Variants in CNTN5 observed in about 807,000 individuals in gnomAD.
CNTN5 encodes the protein contactin 5.
In CNTN5, 77 loss-of-function variants were observed where a neutral mutation model predicts 129.1. The observed-to-expected ratio is 0.60, with a 90% CI of 0.50 to 0.72. The LOEUF (loss-of-function observed/expected upper bound fraction) is 0.72, where lower values mean the gene tolerates loss of function less well. Ranked by LOEUF, CNTN5 falls within the 30% of genes least tolerant of loss-of-function variation. The pLI is 0.00. For missense variants in CNTN5, 1,478 were observed against 1,328.8 expected, an observed-to-expected ratio of 1.11 and a Z score of -1.75; for synonymous variants, 509 against 465.6, an observed-to-expected ratio of 1.09 and a Z score of -1.20.
chr11:100,237,859 C>A (rs1565363683), intron 16 of CNTN5, among the ~76,000 whole-genome samples: 1 of 152,078 alleles, frequency 6.6e-6, no homozygotes, highest in Non-Finnish European at 1.5e-5. Flanking sequence ...GGTCTCTACT[C>A]TGTATTATTG....
intron 13 of CNTN5, among the ~76,000 whole-genome samples, chr11:100,190,202 G>A (rs994650150): frequency 2.0e-5 from 3 of 151,988 alleles, no homozygotes; most frequent in African/African-American, 7.2e-5. Flanking sequence ...TAGGATTTTA[G>A]GATTTTAAAG....
At chr11:100,009,772 G>T (rs1217411250) in intron 9 of CNTN5, among the ~76,000 whole-genome samples, 2 of 152,146 alleles carry the variant, frequency 1.3e-5, no homozygotes, top group Non-Finnish European at 2.9e-5. Flanking sequence ...GGAGAGAAAT[G>T]ATCTGGGTCA....
chr11:99,083,094 G>T (rs1035492162), intron 1 of CNTN5, among the ~76,000 whole-genome samples: 1 of 151,782 alleles, frequency 6.6e-6, no homozygotes, highest in African/African-American at 2.4e-5. Context: ...AATTGACAAG[G>T]GTTGTTGTTC....
intron 2 of CNTN5, among the ~76,000 whole-genome samples, chr11:99,342,599 AAAAG>A (rs1270614810): frequency 6.8e-6 from 1 of 147,872 alleles, no homozygotes; most frequent in Non-Finnish European, 1.5e-5. Flanking sequence ...AAAAAAAAAA[AAAAG>A]CAGGGCGTGG....
chr11:99,559,890 C>T (rs1948784391), intron 3 of CNTN5, among the ~76,000 whole-genome samples: 1 of 152,048 alleles, frequency 6.6e-6, no homozygotes, highest in Admixed American at 6.6e-5. Context: ...CAATACCAAA[C>T]TACACAAACA....
At chr11:99,549,584 A>T (rs1255213769) in intron 2 of CNTN5, among the ~76,000 whole-genome samples, 1 of 152,130 alleles carries the variant, frequency 6.6e-6, no homozygotes. Context: ...TGAGGCATTC[A>T]AGAATATTTT....
intron 1 of CNTN5, among the ~76,000 whole-genome samples, chr11:99,116,202 TTG>T (rs1858036946): frequency 6.6e-6 from 1 of 152,188 alleles, no homozygotes; most frequent in African/African-American, 2.4e-5. Flanking sequence ...TTGAAATTTC[TTG>T]TGTGTGAATT....
intron 1 of CNTN5, among the ~76,000 whole-genome samples, chr11:99,176,875 A>G (rs1208325812): frequency 6.6e-6 from 1 of 152,068 alleles, no homozygotes; most frequent in Admixed American, 6.6e-5. Context: ...TTCTTCAGTG[A>G]CTTCCATTTT....
intron 13 of CNTN5, among the ~76,000 whole-genome samples, chr11:100,098,503 A>G (rs973516847): frequency 6.6e-6 from 1 of 152,024 alleles, no homozygotes; most frequent in Admixed American, 6.6e-5. Flanking sequence ...GATTTACTCT[A>G]TTAGGAAATA....
At chr11:100,007,014 G>C (rs1341996687) in intron 9 of CNTN5, among the ~76,000 whole-genome samples, 3 of 152,076 alleles carry the variant, frequency 2.0e-5, no homozygotes, top group Non-Finnish European at 4.4e-5. Flanking sequence ...GTAATGAGAT[G>C]CATTGTCAAT....
At position 99,632,213 on chromosome 11, in the gene CNTN5, A is replaced by G. The variant is rs1951383933; in HGVS notation, c.55+75944A>G. Among the ~76,000 whole-genome samples the G allele has an allele frequency of 3.3e-5, 5 of 150,642 alleles. No homozygotes were observed. In the South Asian group the frequency reaches 1.1e-3, roughly 33 times the overall value. On this transcript the variant is annotated intron_variant, in intron 3 of 24. Coordinates refer to ENST00000524871, the MANE Select transcript of CNTN5 (RefSeq NM_014361.4). ...TTAGTGCTAAAATGTAATAATGTAC[A>G]AATATGTACATGTAATCTAATGTAG...
chr11:99,397,594 C>T (rs1941591358), intron 2 of CNTN5, among the ~76,000 whole-genome samples: 1 of 151,646 alleles, frequency 6.6e-6, no homozygotes, highest in Non-Finnish European at 1.5e-5. Flanking sequence ...ATTCATTATA[C>T]TTTATTTTGT....
chr11:99,523,886 T>C (rs1002294791), intron 2 of CNTN5, among the ~76,000 whole-genome samples: 2 of 152,046 alleles, frequency 1.3e-5, no homozygotes, highest in Non-Finnish European at 2.9e-5. Flanking sequence ...AGAGTTTAGG[T>C]TGGATGTTAG....
intron 2 of CNTN5, among the ~76,000 whole-genome samples, chr11:99,487,548 A>T (rs1945865186): frequency 1.3e-5 from 2 of 152,342 alleles, no homozygotes; most frequent in Middle Eastern, 6.8e-3. Context: ...TTACAAAATC[A>T]AACGTAATAG....
rs186585761 is a variant in CNTN5, at chr11:99,300,914, A to G, written c.-209-24432A>G. ...AATTTCATAAAATAATAATTGTAACATTATTGTGTAGAAGGGGTTATAATA... is the reference window on the plus strand; with the variant it reads ...AATTTCATAAAATAATAATTGTAACGTTATTGTGTAGAAGGGGTTATAATA... On this transcript the variant is annotated intron_variant, in intron 1 of 24. Coordinates refer to ENST00000524871, the MANE Select transcript of CNTN5 (RefSeq NM_014361.4). 2.0e-5 allele frequency among the ~76,000 whole-genome samples: 3 copies of G among 151,990 alleles called. No homozygotes were observed. In the East Asian group the frequency reaches 5.8e-4, roughly 29 times the overall value.
intron 2 of CNTN5, among the ~76,000 whole-genome samples, chr11:99,414,986 G>A (rs752042720): frequency 6.6e-6 from 1 of 152,098 alleles, no homozygotes; most frequent in African/African-American, 2.4e-5. Flanking sequence ...GAAAACTCCA[G>A]TAAAACAGGC....
chr11:99,872,888 A>G (rs1354228633), intron 6 of CNTN5, among the ~76,000 whole-genome samples: 1 of 152,180 alleles, frequency 6.6e-6, no homozygotes, highest in South Asian at 2.1e-4. Flanking sequence ...TTCATAAATC[A>G]TCTAAAAAAT....
intron 1 of CNTN5, among the ~76,000 whole-genome samples, chr11:99,234,412 T>G (rs138751451): frequency 1.3e-5 from 2 of 152,250 alleles, no homozygotes; most frequent in African/African-American, 2.4e-5. Flanking sequence ...TAGCATTATG[T>G]GCACACATAG....
At chr11:99,945,629 T>G (rs1478254089) in intron 7 of CNTN5, among the ~76,000 whole-genome samples, 5 of 151,988 alleles carry the variant, frequency 3.3e-5, no homozygotes, top group African/African-American at 9.7e-5. Context: ...ACCCGCTCAG[T>G]GTTATTATCA....
Sources: gnomAD v4.1 joint callset for allele counts (sites outside exome capture counted in the v4.1 genomes callset) on GRCh38, gnomAD v4.1.1 for gene constraint, MANE v1.5 for transcripts, NCBI Gene and HGNC (gene_info 2026-07-23, HGNC 2026-07-21) for gene names.